The following GRIK4 variants were observed in gnomAD, a reference collection of about 807,000 sequenced individuals.
GRIK4 encodes glutamate ionotropic receptor kainate type subunit 4, also known as glutamate receptor ionotropic, kainate 4.
Under a neutral mutation model 104.9 loss-of-function variants are expected in GRIK4, and 40 were observed. The observed-to-expected ratio is 0.38, with a 90% CI of 0.30 to 0.50. The LOEUF is 0.50. Ranked by LOEUF, GRIK4 falls within the 20% of genes least tolerant of loss-of-function variation. The pLI is 0.93. For missense variants in GRIK4, 1,047 were observed against 1,308.1 expected, an observed-to-expected ratio of 0.80 and a Z score of 3.08; for synonymous variants, 485 against 524.9, an observed-to-expected ratio of 0.92 and a Z score of 1.04.
chr11:120,832,901 C>A (rs2135566372), intron 7 of GRIK4, among the ~76,000 whole-genome samples: 1 of 152,346 alleles, frequency 6.6e-6, no homozygotes, highest in East Asian at 1.9e-4. Context: ...AGAACGGGCC[C>A]CGTTTCCAGG....
chr11:120,898,551 C>G lies in GRIK4; in HGVS notation c.1184C>G (p.Ala395Gly), dbSNP rs879730218. 1 of 1,607,146 alleles carries G rather than the reference C, an allele frequency of 6.2e-7. No homozygotes were observed. Among genetic ancestry groups the G allele is most frequent in the African/African-American group, 1.3e-5 (1 of 74,802 alleles). The part of the protein sequence containing the change: ...GFRQIGQWHV[A>G]EGLSMDSHLY... ...CCTCAGATCGGCCAGTGGCACGTGG[C>G]AGAGGGCCTCAGCATGGACAGCCAC... Residue 395 changes from alanine (A) to glycine (G), a missense_variant, in exon 12 of 21, where the codon GCA becomes GGA. This residue lies in a region of GRIK4 where 440 missense variants were observed against 652.3 expected (regional missense o/e 0.67). Transcript: ENST00000527524.
At position 120,962,440 on chromosome 11, in the gene GRIK4, T is replaced by G. The variant is rs756993385; in HGVS notation, c.2041-16T>G. ...TCCTCTTTTCCCAATCCTGCTTCCT[T>G]TTGTTCTTTTCCCAGAATTCCCGCT... On this transcript the variant is annotated splice_polypyrimidine_tract_variant and intron_variant, in intron 17 of 20. Coordinates refer to ENST00000527524, the MANE Select transcript of GRIK4 (RefSeq NM_014619.5). 9 of 1,575,746 alleles carry G rather than the reference T, an allele frequency of 5.7e-6. No homozygotes were observed. Among genetic ancestry groups the G allele is most frequent in the Non-Finnish European group, 7.8e-6 (9 of 1,146,958 alleles).
intron 3 of GRIK4, among the ~76,000 whole-genome samples, chr11:120,742,385 T>C (rs1473977766): frequency 6.6e-6 from 1 of 150,376 alleles, no homozygotes; most frequent in Non-Finnish European, 1.5e-5. Flanking sequence ...ACATGGACAC[T>C]TCAAAAGAAG....
Position 120,750,514 on chromosome 11 carries a change from G to T in GRIK4, c.83-52179G>T, listed in dbSNP as rs138346737. Among the ~76,000 whole-genome samples, 537 of 151,288 alleles carry T rather than the reference G, an allele frequency of 3.5e-3. 3 individuals are homozygous for T. The highest frequency in any genetic ancestry group is 0.012 in the African/African-American group (503 of 41,444). ...CCTAAGTAGCTGGAATTACAGGCATGTGCCACCGTGCTTGGTTAATTTTTT... is the reference window on the plus strand; with the variant it reads ...CCTAAGTAGCTGGAATTACAGGCATTTGCCACCGTGCTTGGTTAATTTTTT... On this transcript the variant is annotated intron_variant, in intron 3 of 20. Transcript: ENST00000527524.
intron 8 of GRIK4, among the ~76,000 whole-genome samples, chr11:120,855,028 T>C (rs1954067696): frequency 6.6e-6 from 1 of 152,178 alleles, no homozygotes; most frequent in African/African-American, 2.4e-5. Flanking sequence ...AACTTTTGAT[T>C]TCACTGATTT....
At chr11:120,880,507 C>T (rs757942982) in intron 11 of GRIK4, among the ~76,000 whole-genome samples, 20 of 152,230 alleles carry the variant, frequency 1.3e-4, no homozygotes, top group Admixed American at 1.3e-3. Flanking sequence ...AGTACAAGTA[C>T]AAGGCAGGAC....
At chr11:120,959,341 T>C (rs1944236517) in intron 16 of GRIK4, among the ~76,000 whole-genome samples, 1 of 152,086 alleles carries the variant, frequency 6.6e-6, no homozygotes, top group Admixed American at 6.5e-5. Flanking sequence ...GTTGCTTCAC[T>C]CCTGGGGAGG....
chr11:120,764,269 G>A (rs774055919), intron 3 of GRIK4, among the ~76,000 whole-genome samples: 1 of 150,992 alleles, frequency 6.6e-6, no homozygotes, highest in Non-Finnish European at 1.5e-5. Context: ...TTGCAACCCT[G>A]CTGTTTTTTT....
chr11:120,617,790 C>A (rs569983601), intron 1 of GRIK4, among the ~76,000 whole-genome samples: 16 of 152,282 alleles, frequency 1.1e-4, no homozygotes, highest in African/African-American at 3.4e-4. Context: ...GAGGCCTCCC[C>A]AGAAGCAGAT....
chr11:120,835,395 G>C (rs186605548), intron 7 of GRIK4, among the ~76,000 whole-genome samples: 4 of 152,160 alleles, frequency 2.6e-5, no homozygotes, highest in Non-Finnish European at 5.9e-5. Context: ...AGGTGTGGTC[G>C]TGGGTGCCTG....
chr11:120,970,596 C>G (rs1403707326), intron 19 of GRIK4, among the ~76,000 whole-genome samples: 1 of 152,072 alleles, frequency 6.6e-6, no homozygotes, highest in Non-Finnish European at 1.5e-5. Flanking sequence ...TGATTTGCAT[C>G]TCCTGCTCAT....
chr11:120,914,125 T>C (rs763631918), intron 13 of GRIK4, among the ~76,000 whole-genome samples: 5 of 152,240 alleles, frequency 3.3e-5, no homozygotes, highest in South Asian at 2.1e-4. Context: ...AATTCAACCA[T>C]TCATTCATTC....
intron 1 of GRIK4, among the ~76,000 whole-genome samples, chr11:120,596,785 C>T (rs1204409307): frequency 4.6e-5 from 7 of 151,758 alleles, no homozygotes; most frequent in Admixed American, 2.0e-4. Flanking sequence ...AGTGCAGTGG[C>T]GCCATATTGG....
rs116109381 is a variant in GRIK4 at position 120,758,846 on chromosome 11, T to G, written c.83-43847T>G. Among the ~76,000 whole-genome samples the G allele has an allele frequency of 5.3e-5, 8 of 152,318 alleles. No individual in the cohort carries two copies. The South Asian group carries it at 1.7e-3, about 32-fold the overall frequency. On this transcript the variant is annotated intron_variant, in intron 3 of 20. Transcript: ENST00000527524. ...AGGGACACTGGTATTCCGTGAAACATAGTCTGGGAAATGCTGTTCCTTGTG... is the reference window on the plus strand; with the variant it reads ...AGGGACACTGGTATTCCGTGAAACAGAGTCTGGGAAATGCTGTTCCTTGTG...
chr11:120,915,048 C>T (rs1204705330), intron 13 of GRIK4, among the ~76,000 whole-genome samples: 1 of 152,080 alleles, frequency 6.6e-6, no homozygotes, highest in African/African-American at 2.4e-5. Context: ...GGGTTAAGGT[C>T]GTCCTGCTTC....
At chr11:120,515,036 G>A (rs1299296273) in intron 1 of GRIK4, 2 of 456,590 alleles carry the variant, frequency 4.4e-6, no homozygotes, top group African/African-American at 4.0e-5. Context: ...CAGTGGCAGT[G>A]CCTTCCAAGA....
chr11:120,860,764 A>G (rs867773381), intron 8 of GRIK4, among the ~76,000 whole-genome samples: 7 of 152,038 alleles, frequency 4.6e-5, no homozygotes, highest in Middle Eastern at 3.2e-3. Context: ...AAATGAAGGC[A>G]CCACCCTACC....
chr11:120,912,650 G>C lies in GRIK4; in HGVS notation c.1476+7157G>C, dbSNP rs146751472. Among the ~76,000 whole-genome samples, 643 of 152,334 alleles carry C rather than the reference G, an allele frequency of 4.2e-3. 4 individuals are homozygous for C. The highest frequency in any genetic ancestry group is 0.015 in the African/African-American group (610 of 41,566). Reference sequence around the variant, plus strand: ...GCAGAGGAGATGGAGACAGCAGCCAGGGAATACTCATTAAAGTCATGTAGC... The same window carrying C: ...GCAGAGGAGATGGAGACAGCAGCCACGGAATACTCATTAAAGTCATGTAGC... On this transcript the variant is annotated intron_variant, in intron 13 of 20. Coordinates refer to ENST00000527524, the MANE Select transcript of GRIK4 (RefSeq NM_014619.5).
At chr11:120,581,999 G>C (rs1425968571) in intron 1 of GRIK4, among the ~76,000 whole-genome samples, 1 of 151,536 alleles carries the variant, frequency 6.6e-6, no homozygotes, top group Non-Finnish European at 1.5e-5. Context: ...AGTAGAGACG[G>C]GGTTTCACTG....
Sources: allele counts gnomAD v4.1 joint callset (sites outside exome capture counted in the v4.1 genomes callset), GRCh38; gene constraint gnomAD v4.1.1; regional missense constraint gnomAD v4.1.1; transcripts MANE v1.5; gene names NCBI Gene and HGNC (gene_info 2026-07-23, HGNC 2026-07-21).